The following HDX variants were observed in gnomAD, a reference collection of about 807,000 sequenced individuals.
HDX encodes the protein highly divergent homeobox.
In HDX, 19 loss-of-function variants were observed where a neutral mutation model predicts 45.2. That is an observed-to-expected ratio of 0.42 (90% CI 0.29 to 0.62). The LOEUF is 0.62. Among genes scored for constraint, HDX ranks in the 20% least tolerant of loss-of-function variants. The pLI, the probability that HDX is intolerant of heterozygous loss-of-function variation, is 0.20. For missense variants in HDX, 532 were observed against 493.9 expected (o/e 1.08, Z -0.73); for synonymous variants, 188 against 172.8 (o/e 1.09, Z -0.69).
chrX:84,382,266 A>G (rs2038207798), intron 5 of HDX, among the ~76,000 whole-genome samples: 1 of 111,547 alleles, frequency 9.0e-6, no homozygotes, highest in Admixed American at 9.5e-5. Context: ...ATTAGTACAA[A>G]CACTATGGAG....
At chrX:84,464,691 C>G (rs930742143) in intron 4 of HDX, among the ~76,000 whole-genome samples, 1 of 111,855 alleles carries the variant, frequency 8.9e-6, no homozygotes, top group Middle Eastern at 4.2e-3. Flanking sequence ...TGATTAAAGA[C>G]TAAAACGTAA....
At chrX:84,405,745 C>T in intron 5 of HDX, among the ~76,000 whole-genome samples, 1 of 107,670 alleles carries the variant, frequency 9.3e-6, no homozygotes, top group Middle Eastern at 4.7e-3. Context: ...CTTCTTGGAG[C>T]AAACATGATT....
chrX:84,488,997 G>A (rs145064832), intron 1 of HDX, among the ~76,000 whole-genome samples: 305 of 111,000 alleles, frequency 2.7e-3, no homozygotes, highest in Non-Finnish European at 5.0e-3. Context: ...TTAATTTGCC[G>A]GGTTTTGTTG....
At chrX:84,375,793 T>C (rs2038039875) in intron 5 of HDX, among the ~76,000 whole-genome samples, 1 of 110,364 alleles carries the variant, frequency 9.1e-6, no homozygotes, top group South Asian at 4.0e-4. Flanking sequence ...TACCTAATGC[T>C]AAATGACGAG....
Position 84,338,763 on chromosome X carries a change from A to G in HDX, c.1661-1883T>C, listed in dbSNP as rs181941681. On this transcript the variant is annotated intron_variant, in intron 7 of 10. Coordinates refer to ENST00000373177, the MANE Select transcript of HDX (RefSeq NM_001177479.2). ...AACTCATGTCAAATTGCAATCCCCA[A>G]TGTTGCAGTTGGAGCCTGGTGGGAG... Among the ~76,000 whole-genome samples the G allele has an allele frequency of 1.4e-4, 15 of 110,755 alleles. No homozygotes were observed. In the East Asian group the frequency reaches 4.0e-3, roughly 30 times the overall value.
chrX:84,423,924 T>C (rs1395408579), intron 5 of HDX, among the ~76,000 whole-genome samples: 1 of 111,239 alleles, frequency 9.0e-6, no homozygotes, highest in Non-Finnish European at 1.9e-5. Context: ...CAAAGATATC[T>C]AGTATCACCA....
intron 1 of HDX, among the ~76,000 whole-genome samples, chrX:84,492,760 A>G (rs1185722520): frequency 9.0e-6 from 1 of 111,559 alleles, no homozygotes; most frequent in East Asian, 2.8e-4. Flanking sequence ...CAAAAAAAAG[A>G]CTGATCCTGA....
At chrX:84,367,907 G>T (rs1371934022) in intron 5 of HDX, among the ~76,000 whole-genome samples, 1 of 111,414 alleles carries the variant, frequency 9.0e-6, no homozygotes, top group Non-Finnish European at 1.9e-5. Context: ...GTAGATGACG[G>T]GTTGATGGGT....
intron 5 of HDX, among the ~76,000 whole-genome samples, chrX:84,421,138 C>T (rs1402534742): frequency 8.9e-6 from 1 of 111,737 alleles, no homozygotes; most frequent in Non-Finnish European, 1.9e-5. Flanking sequence ...AATATTATAA[C>T]ACTGTAACTG....
chrX:84,478,899 A>G (rs2040611114), intron 2 of HDX, among the ~76,000 whole-genome samples: 1 of 111,793 alleles, frequency 8.9e-6, no homozygotes, highest in African/African-American at 3.3e-5. Context: ...ACAAGTCCAT[A>G]AAATCATCAT....
At chrX:84,347,448 C>T (rs1289395998) in intron 6 of HDX, among the ~76,000 whole-genome samples, 3 of 111,431 alleles carry the variant, frequency 2.7e-5, no homozygotes, top group African/African-American at 9.8e-5. Flanking sequence ...ATAAATTTTG[C>T]TCTCAGCACT....
intron 5 of HDX, among the ~76,000 whole-genome samples, chrX:84,376,293 A>G (rs755666964): frequency 8.9e-6 from 1 of 112,184 alleles, no homozygotes; most frequent in Non-Finnish European, 1.9e-5. Context: ...TTCAGGTGAG[A>G]CTCAGCACAT....
intron 1 of HDX, among the ~76,000 whole-genome samples, chrX:84,498,986 G>A (rs894611769): frequency 9.0e-6 from 1 of 111,458 alleles, no homozygotes; most frequent in African/African-American, 3.3e-5. Context: ...TGACTGTGAC[G>A]TATAGTAGCT....
chrX:84,374,270 A>G (rs1275572279), intron 5 of HDX, among the ~76,000 whole-genome samples: 1 of 110,518 alleles, frequency 9.0e-6, no homozygotes, highest in Non-Finnish European at 1.9e-5. Context: ...GGATACAAAC[A>G]AATGGAAGAA....
Position 84,475,383 on chromosome X carries a change from A to C in HDX, c.15T>G (p.Ser5=). 1 of 1,123,758 alleles carries C rather than the reference A, an allele frequency of 8.9e-7. No homozygotes were observed. Among genetic ancestry groups the C allele is most frequent in the Non-Finnish European group, 1.2e-6 (1 of 833,945 alleles). The allele number at this position is 1,123,758 out of a possible 1,213,427, so 92.6% of individuals were successfully genotyped here. A position where few individuals can be genotyped will look rare whatever the true frequency, so the allele number is the denominator to read the frequency against. The change falls in exon 3 of 11, where the codon TCT becomes TCG. Residue 5 remains serine (S), a synonymous_variant. Coordinates refer to ENST00000373177, the MANE Select transcript of HDX (RefSeq NM_001177479.2). MNLR[S]VFTVEQQRIL... ...TCCTTTGTTGTTCTACAGTAAATACAGAACGTAGATTCATCTAAAAATAAA... is the reference window on the plus strand; with the variant it reads ...TCCTTTGTTGTTCTACAGTAAATACCGAACGTAGATTCATCTAAAAATAAA...
At chrX:84,385,133 A>G (rs971431458) in intron 5 of HDX, among the ~76,000 whole-genome samples, 3 of 90,100 alleles carry the variant, frequency 3.3e-5, no homozygotes, top group African/African-American at 1.2e-4. Context: ...CATTTTAATG[A>G]TATTGATTTT....
Position 84,468,821 on chromosome X carries a change from C to G in HDX, c.902G>C (p.Gly301Ala). 1 of 1,211,465 alleles carries G rather than the reference C, an allele frequency of 8.3e-7. No homozygotes were observed. The highest frequency in any genetic ancestry group is 3.0e-5 in the East Asian group (1 of 33,841). The change falls in exon 4 of 11, where the codon GGA becomes GCA. Residue 301 changes from glycine (G) to alanine (A), a missense_variant. This residue lies in a region of HDX where 376 missense variants were observed against 343.7 expected (regional missense o/e 1.09). Transcript: ENST00000373177. The stretch of plus-strand genomic sequence containing the variant: ...TCTGGCATATTCATCCTCAGCATCT[C>G]CAGTCTCCATTGCAATGGACAAACA... ...GNCLSIAMET[G>A]DAEDEYAREE...
intron 7 of HDX, among the ~76,000 whole-genome samples, chrX:84,338,008 T>A (rs1456977109): frequency 2.7e-5 from 3 of 111,619 alleles, no homozygotes; most frequent in South Asian, 3.7e-4. Flanking sequence ...TCATGGAGAT[T>A]ATTTGAATAA....
Position 84,361,504 on chromosome X carries a change from C to G in HDX, c.1414G>C (p.Val472Leu), listed in dbSNP as rs1371628112. Residue 472 changes from valine (V) to leucine (L), a missense_variant, in exon 6 of 11, where the codon GTG becomes CTG. This residue lies in a region of HDX where 376 missense variants were observed against 343.7 expected (regional missense o/e 1.09). Coordinates refer to ENST00000373177, the MANE Select transcript of HDX (RefSeq NM_001177479.2). The part of the protein sequence containing the change: ...GSVCREKIEA[V>L]ATELNVDCEI... ...CAGTCAACATTTAATTCAGTTGCCA[C>G]AGCTTCAATTTTCTCTCTACAAACA... 8.3e-7 allele frequency: 1 copy of G among 1,206,305 alleles called. No individual in the cohort carries two copies. The highest frequency in any genetic ancestry group is 1.8e-5 in the African/African-American group (1 of 57,137).
Sources: gnomAD v4.1 joint callset for allele counts (sites outside exome capture counted in the v4.1 genomes callset) on GRCh38, gnomAD v4.1.1 for gene constraint, gnomAD v4.1.1 regional missense constraint, MANE v1.5 for transcripts, NCBI Gene and HGNC (gene_info 2026-07-23, HGNC 2026-07-21) for gene names.